The following DAOA variants were observed in gnomAD, a reference collection of about 807,000 sequenced individuals.
The protein encoded by DAOA is D-amino acid oxidase regulator.
In DAOA, 15 loss-of-function variants were observed where a neutral mutation model predicts 16.4. The ratio of observed to expected loss-of-function variants is 0.91; its 90% CI spans 0.61 to 1.41. The LOEUF (loss-of-function observed/expected upper bound fraction) is 1.41, where lower values mean the gene tolerates loss of function less well. DAOA is among the 40% of genes most tolerant of loss of function. The pLI, the probability that DAOA is intolerant of heterozygous loss-of-function variation, is 0.00. For synonymous variants in DAOA, 75 were observed against 59.1 expected, an observed-to-expected ratio of 1.27 and a Z score of -1.23; for missense variants, 230 against 176.8, an observed-to-expected ratio of 1.30 and a Z score of -1.71.
chr13:105,469,524 A>G (rs1431352316), intron 3 of DAOA, among the ~76,000 whole-genome samples: 1 of 152,218 alleles, frequency 6.6e-6, no homozygotes, highest in African/African-American at 2.4e-5. Flanking sequence ...AAGGGGATAT[A>G]TATTTTATGA....
chr13:105,474,676 G>A (rs1181210638), intron 4 of DAOA, among the ~76,000 whole-genome samples: 1 of 151,890 alleles, frequency 6.6e-6, no homozygotes, highest in Non-Finnish European at 1.5e-5. Context: ...GAAACAAATC[G>A]GCTGCAAGAA....
intron 4 of DAOA, among the ~76,000 whole-genome samples, chr13:105,487,002 A>T (rs1024838622): frequency 6.6e-6 from 1 of 151,996 alleles, no homozygotes; most frequent in African/African-American, 2.4e-5. Context: ...AAACAATTCC[A>T]TGGGTAACCT....
rs9586858 is a variant in DAOA at position 105,471,032 on chromosome 13, C to T, written c.134-1506C>T. Among the ~76,000 whole-genome samples, 1,440 of 152,254 alleles carry T rather than the reference C, an allele frequency of 9.5e-3. 27 individuals are homozygous for T. Among genetic ancestry groups the T allele is most frequent in the African/African-American group, 0.033 (1,378 of 41,522 alleles). ...CTTGATCTCCTGACCTTGTGATCCG[C>T]CCGCCTCGGCCTCCCAAAATGCTGG... On this transcript the variant is annotated intron_variant, in intron 3 of 5. Transcript: ENST00000375936.
intron 4 of DAOA, among the ~76,000 whole-genome samples, chr13:105,477,484 T>A (rs1305557386): frequency 1.3e-5 from 2 of 152,182 alleles, no homozygotes; most frequent in Non-Finnish European, 2.9e-5. Flanking sequence ...ATCCCATACT[T>A]TGGAAGGCCA....
intron 4 of DAOA, among the ~76,000 whole-genome samples, chr13:105,479,901 A>G (rs891537501): frequency 6.6e-6 from 1 of 152,192 alleles, no homozygotes; most frequent in Admixed American, 6.5e-5. Context: ...GCCATTTAAA[A>G]AAATTATTTT....
At position 105,490,165 on chromosome 13, in the gene DAOA, G is replaced by C; in HGVS notation, c.*84G>C. The C allele has an allele frequency of 6.9e-7, 1 of 1,456,310 alleles. No homozygotes were observed. Among genetic ancestry groups the C allele is most frequent in the Non-Finnish European group, 9.1e-7 (1 of 1,098,690 alleles). 90.2% of individuals were successfully genotyped at this position (1,456,310 alleles called of 1,614,324 possible). On this transcript the variant is annotated 3_prime_UTR_variant, in exon 5 of 6. Transcript: ENST00000375936. Reference sequence around the variant, plus strand: ...TCTTCACTGGACTCTGACGGACTCTGTGTCTGGGACCCAGCTGATAACACG... The same window carrying C: ...TCTTCACTGGACTCTGACGGACTCTCTGTCTGGGACCCAGCTGATAACACG...
intron 3 of DAOA, among the ~76,000 whole-genome samples, chr13:105,467,935 C>T (rs1465121425): frequency 6.6e-6 from 1 of 152,168 alleles, no homozygotes; most frequent in Admixed American, 6.5e-5. Context: ...TGACAGACAT[C>T]TTACCTGGCT....
At chr13:105,485,326 C>T (rs1283246120) in intron 4 of DAOA, among the ~76,000 whole-genome samples, 1 of 152,088 alleles carries the variant, frequency 6.6e-6, no homozygotes, top group African/African-American at 2.4e-5. Flanking sequence ...ATGCTCAACC[C>T]ACCACTTACT....
intron 4 of DAOA, chr13:105,477,081 C>G (rs749783642): frequency 3.3e-5 from 5 of 152,172 alleles, no homozygotes; most frequent in African/African-American, 7.2e-5. Flanking sequence ...CTGTAGTTCT[C>G]CCTCTAACCT....
intron 3 of DAOA, among the ~76,000 whole-genome samples, chr13:105,468,273 A>G (rs1332006581): frequency 6.6e-6 from 1 of 152,224 alleles, no homozygotes; most frequent in Non-Finnish European, 1.5e-5. Context: ...ACAGGTTTTC[A>G]GGATTAAGAA....
At chr13:105,481,249 G>A (rs1877724580) in intron 4 of DAOA, among the ~76,000 whole-genome samples, 1 of 152,166 alleles carries the variant, frequency 6.6e-6, no homozygotes, top group Non-Finnish European at 1.5e-5. Flanking sequence ...GAAAATAGTT[G>A]AACTAAAGTA....
chr13:105,466,362 G>T, intron 2 of DAOA, 30 bp downstream of exon 2: 8 of 1,613,764 alleles, frequency 5.0e-6, no homozygotes, highest in Non-Finnish European at 6.8e-6. Flanking sequence ...TTACAGCATG[G>T]CGGCCTCAGT....
chr13:105,469,766 C>A (rs1594104355), intron 3 of DAOA, among the ~76,000 whole-genome samples: 1 of 152,128 alleles, frequency 6.6e-6, no homozygotes, highest in Non-Finnish European at 1.5e-5. Context: ...TGGTATCAAG[C>A]TGAATTTTGT....
chr13:105,482,579 G>T (rs948970851), intron 4 of DAOA, among the ~76,000 whole-genome samples: 1 of 150,592 alleles, frequency 6.6e-6, no homozygotes, highest in Non-Finnish European at 1.5e-5. Context: ...GTGCGATCAC[G>T]GCTCACTGCA....
chr13:105,482,773 TG>T (rs1426314455), intron 4 of DAOA, among the ~76,000 whole-genome samples: 1 of 152,054 alleles, frequency 6.6e-6, no homozygotes, highest in Non-Finnish European at 1.5e-5. Context: ...CTCAAAGTGC[TG>T]GGATTACAGG....
chr13:105,472,629 GCATTTACAGAGAT>G lies in DAOA; in HGVS notation c.230_242del (p.Leu77TyrfsTer18), dbSNP rs1225086072. On this transcript the variant is annotated frameshift_variant, in exon 4 of 6. Transcript: ENST00000375936. LOFTEE classifies it high-confidence loss of function. ...ACGGCTATTTGGAAATGGCACAGAGGCATTTACAGAGATCATTATGTCCTTGGGTCTCTTACCT... is the reference window on the plus strand; with the variant it reads ...ACGGCTATTTGGAAATGGCACAGAGGCATTATGTCCTTGGGTCTCTTACCT... 5 of 1,614,012 alleles carry G rather than the reference GCATTTACAGAGAT, an allele frequency of 3.1e-6. No individual in the cohort carries two copies. Among genetic ancestry groups the G allele is most frequent in the Non-Finnish European group, 3.4e-6 (4 of 1,179,920 alleles).
At chr13:105,489,702 T>C (rs1024886203) in intron 4 of DAOA, 199 bp from the exon 5 acceptor site, 12 of 1,137,728 alleles carry the variant, frequency 1.1e-5, no homozygotes, top group East Asian at 2.6e-5. Context: ...AAATATGTAG[T>C]TGTGGCAGTT....
Position 105,488,385 on chromosome 13 carries a change from C to A in DAOA, c.282-1516C>A, listed in dbSNP as rs1278144190. Among the ~76,000 whole-genome samples, 37 of 152,226 alleles carry A rather than the reference C, an allele frequency of 2.4e-4. 1 individual carries two copies. Among genetic ancestry groups the A allele is most frequent in the Non-Finnish European group, 2.9e-5 (2 of 68,014 alleles). On this transcript the variant is annotated intron_variant, in intron 4 of 5. Transcript: ENST00000375936. The stretch of plus-strand genomic sequence containing the variant: ...TTAACGTGATTATAATCTTTTTCAT[C>A]CCGTTCTGATTTTATAATAGAGGAC...
chr13:105,466,534 C>G, intron 2 of DAOA: 1 of 795,286 alleles, frequency 1.3e-6, no homozygotes, highest in African/African-American at 1.7e-5. Flanking sequence ...AAGGATCACT[C>G]ATGTTAATGA....
Sources: allele counts gnomAD v4.1 joint callset (sites outside exome capture counted in the v4.1 genomes callset), GRCh38; gene constraint gnomAD v4.1.1; transcripts MANE v1.5; gene names NCBI Gene and HGNC (gene_info 2026-07-23, HGNC 2026-07-21).